CCNG2: variants seen among roughly 807,000 people sequenced by gnomAD.
The protein encoded by CCNG2 is cyclin-G2.
CCNG2 carries 20 observed loss-of-function variants against 36.5 expected under a neutral mutation model. The observed-to-expected ratio is 0.55, with a 90% CI of 0.39 to 0.80. The LOEUF (loss-of-function observed/expected upper bound fraction) is 0.80, where lower values mean the gene tolerates loss of function less well. Ranked by LOEUF, CCNG2 falls within the 30% of genes least tolerant of loss-of-function variation. The pLI, the probability that CCNG2 is intolerant of heterozygous loss-of-function variation, is 0.00. For missense variants in CCNG2, 358 were observed against 390.8 expected, an observed-to-expected ratio of 0.92 and a Z score of 0.71; for synonymous variants, 155 against 140.1, an observed-to-expected ratio of 1.11 and a Z score of -0.75.
Position 77,165,807 on chromosome 4 carries a change from C to A in CCNG2, c.918C>A (p.Asp306Glu). The change falls in exon 8 of 8, where the codon GAC becomes GAA. Residue 306 changes from aspartate (D) to glutamate (E), a missense_variant. By Grantham distance (45) the Asp-to-Glu change is conservative (BLOSUM62 2). Coordinates refer to ENST00000316355, the MANE Select transcript of CCNG2 (RefSeq NM_004354.3). ...TGTCTCTTTTTCTCTTTAGTGAGGACTCTTGTGAAGATATGAGTTGTGGAG... is the reference window on the plus strand; with the variant it reads ...TGTCTCTTTTTCTCTTTAGTGAGGAATCTTGTGAAGATATGAGTTGTGGAG... ...GGCFDESESE[D>E]SCEDMSCGEE... 6.3e-7 allele frequency: 1 copy of A among 1,582,730 alleles called. No individual in the cohort carries two copies. Among genetic ancestry groups the A allele is most frequent in the Non-Finnish European group, 8.6e-7 (1 of 1,168,196 alleles).
At chr4:77,159,187 A>G (rs1731357212) in intron 2 of CCNG2, among the ~76,000 whole-genome samples, 180 bp from the exon 3 acceptor site, 1 of 152,208 alleles carries the variant, frequency 6.6e-6, no homozygotes, top group Non-Finnish European at 1.5e-5. Flanking sequence ...CGTCTTACAG[A>G]TGATAAAGTG....
At chr4:77,163,224 G>T (rs1023544302) in intron 6 of CCNG2, among the ~76,000 whole-genome samples, 1 of 152,124 alleles carries the variant, frequency 6.6e-6, no homozygotes, top group African/African-American at 2.4e-5. Context: ...GGTTTTCAGC[G>T]TTGGCCTTTC....
In CCNG2 at chr4:77,166,608, G is replaced by C. The variant is rs1320774224; in HGVS notation, c.*684G>C. ...ATTGCCCAAGTATTGTCAAACTATG[G>C]TATTATTTTAATGTTACTTTAAAAA... On this transcript the variant is annotated 3_prime_UTR_variant, in exon 8 of 8. Transcript: ENST00000316355. The C allele has an allele frequency of 6.6e-6, 1 of 151,990 alleles. No individual in the cohort carries two copies. The highest frequency in any genetic ancestry group is 2.4e-5 in the African/African-American group (1 of 41,388). 9.4% of individuals were successfully genotyped at this position (151,990 alleles called of 1,614,324 possible).
intron 1 of CCNG2, chr4:77,158,224 G>A: frequency 2.7e-6 from 1 of 367,506 alleles, no homozygotes; most frequent in Non-Finnish European, 5.0e-6. Flanking sequence ...ACTTCAGGTG[G>A]GGCAGACCGA....
At chr4:77,158,812 T>C in intron 2 of CCNG2, 142 bp downstream of exon 2, 2 of 771,186 alleles carry the variant, frequency 2.6e-6, no homozygotes, top group South Asian at 1.8e-5. Flanking sequence ...TAAACCTTAT[T>C]ACAGGTTAAT....
At chr4:77,165,607 C>CA (rs952633244) in intron 7 of CCNG2, among the ~76,000 whole-genome samples, 194 bp from the exon 8 acceptor site, 10 of 151,772 alleles carry the variant, frequency 6.6e-5, no homozygotes, top group African/African-American at 2.4e-4. Context: ...GCACCCAGTC[C>CA]AAAAAATCTA....
chr4:77,157,498 T>C lies in CCNG2; in HGVS notation c.-9T>C. 6.6e-6 allele frequency: 1 copy of C among 152,618 alleles called. No individual in the cohort carries two copies. The highest frequency in any genetic ancestry group is 1.5e-5 in the Non-Finnish European group (1 of 68,344). The allele number at this position is 152,618 out of a possible 1,614,324, so 9.5% of individuals were successfully genotyped here. A position where few individuals can be genotyped will look rare whatever the true frequency, so the allele number is the denominator to read the frequency against. On this transcript the variant is annotated 5_prime_UTR_variant, in exon 1 of 8. Transcript: ENST00000316355. ...GGCCGCGGGCGGGTGGAGGCGCGTC[T>C]CCGGCACGGTGAGTGGACCCGCCCA...
Position 77,165,994 on chromosome 4 carries a change from C to T in CCNG2, c.*70C>T, listed in dbSNP as rs112699700. 1.2e-5 allele frequency: 17 copies of T among 1,442,734 alleles called. No homozygotes were observed. The highest frequency in any genetic ancestry group is 2.0e-4 in the Middle Eastern group (1 of 4,978). The allele number at this position is 1,442,734 out of a possible 1,614,324, so 89.4% of individuals were successfully genotyped here. ...CAATAAATGGGGGAATAGGTAGTTT[C>T]CTGGTTTAGCCCCCATCTAGTCAGG... On this transcript the variant is annotated 3_prime_UTR_variant, in exon 8 of 8. Transcript: ENST00000316355.
Position 77,161,491 on chromosome 4 carries a change from T to A in CCNG2, c.539T>A (p.Leu180Gln). 6.2e-7 allele frequency: 1 copy of A among 1,600,584 alleles called. No individual in the cohort carries two copies. Among genetic ancestry groups the A allele is most frequent in the Non-Finnish European group, 8.5e-7 (1 of 1,174,348 alleles). ...TTTGCATTGTATAGGAAAGAAATAC[T>A]GAGCCTTGATAAACTAGAAGCTCAG... Reference protein sequence around the residue: ...LCHTSERKEILSLDKLEAQLK... With the variant: ...LCHTSERKEIQSLDKLEAQLK... Residue 180 changes from leucine to glutamine, a missense_variant, in exon 5 of 8, where the codon CTG becomes CAG. Physicochemically the swap from Leu to Gln is moderately radical, Grantham distance 113 (BLOSUM62 -2). Coordinates refer to ENST00000316355, the MANE Select transcript of CCNG2 (RefSeq NM_004354.3).
At chr4:77,165,013 A>G (rs1731592462) in intron 7 of CCNG2, 1 of 152,420 alleles carries the variant, frequency 6.6e-6, no homozygotes, top group Non-Finnish European at 1.5e-5. Context: ...GTGCCTGGAA[A>G]ATAAAGGGAA....
intron 3 of CCNG2, among the ~76,000 whole-genome samples, chr4:77,159,894 G>T (rs757597725): frequency 1.3e-5 from 2 of 152,078 alleles, no homozygotes; most frequent in Non-Finnish European, 2.9e-5. Flanking sequence ...AATATGACCG[G>T]CTGCCTTCCC....
In CCNG2 at chr4:77,168,598, C is replaced by T. The variant is rs948854079; in HGVS notation, c.*2674C>T. 2 of 152,216 alleles carry T rather than the reference C, an allele frequency of 1.3e-5. No homozygotes were observed. Among genetic ancestry groups the T allele is most frequent in the Admixed American group, 6.5e-5 (1 of 15,288 alleles). The allele number at this position is 152,216 out of a possible 1,614,324, so 9.4% of individuals were successfully genotyped here. A position where few individuals can be genotyped will look rare whatever the true frequency, so the allele number is the denominator to read the frequency against. The stretch of plus-strand genomic sequence containing the variant: ...TTGAGAAAGAACTCTGTTAGCTATA[C>T]AGAAGATGAACTGGGCAATATAGAG... On this transcript the variant is annotated 3_prime_UTR_variant, in exon 8 of 8. Transcript: ENST00000316355.
intron 1 of CCNG2, 117 bp from the exon 2 acceptor site, chr4:77,158,416 C>G (rs1731332831): frequency 1.0e-6 from 1 of 984,650 alleles, no homozygotes; most frequent in Non-Finnish European, 1.6e-6. Flanking sequence ...TTCACCCGCT[C>G]CTTGTCGGGG....
intron 3 of CCNG2, among the ~76,000 whole-genome samples, chr4:77,160,043 C>T (rs901181550): frequency 3.9e-5 from 6 of 152,100 alleles, no homozygotes; most frequent in Admixed American, 2.0e-4. Context: ...AGAAAAGGGC[C>T]GCCATCTGTC....
rs145869961 is a variant in CCNG2, at chr4:77,164,429, T to C, written c.861T>C (p.Val287=). The change falls in exon 7 of 8, where the codon GTT becomes GTC. Residue 287 remains valine (V), a synonymous_variant. Transcript: ENST00000316355. The part of the protein sequence containing the change: ...AQNLHNSYYS[V]PELPTIPEGG... The stretch of plus-strand genomic sequence containing the variant: ...ACCTCCACAACAGCTACTATAGTGT[T>C]CCTGAGCTGCCAACGATACCTGAGG... The C allele has an allele frequency of 3.4e-5, 55 of 1,613,986 alleles. No homozygotes were observed. Among genetic ancestry groups the C allele is most frequent in the Non-Finnish European group, 4.6e-5 (54 of 1,180,014 alleles).
chr4:77,163,955 T>C (rs930334431), intron 6 of CCNG2, among the ~76,000 whole-genome samples: 43 of 152,206 alleles, frequency 2.8e-4, no homozygotes, highest in African/African-American at 1.0e-3. Context: ...TGTTTTTAGG[T>C]CAGTGTTTTC....
In CCNG2 at chr4:77,164,382, G is replaced by A. The variant is rs1199862724; in HGVS notation, c.814G>A (p.Val272Ile). 4.3e-6 allele frequency: 7 copies of A among 1,613,880 alleles called. No individual in the cohort carries two copies. Among genetic ancestry groups the A allele is most frequent in the Middle Eastern group, 1.6e-4 (1 of 6,084 alleles). The change falls in exon 7 of 8, where the codon GTT (valine) becomes ATT (isoleucine). Residue 272 changes from valine (V) to isoleucine (I), a missense_variant. Physicochemically the swap from Val to Ile is conservative, Grantham distance 29. Transcript: ENST00000316355. ...AGATCTTAAGAAGTTGGTTTGGATC[G>A]TTTCAAGGCGCACAGCCCAGAACCT... ...KPDLKKLVWIVSRRTAQNLHN... is the reference protein window; with the variant it reads ...KPDLKKLVWIISRRTAQNLHN...
Position 77,166,059 on chromosome 4 carries a change from A to G in CCNG2, c.*135A>G. The G allele has an allele frequency of 1.3e-6, 1 of 792,464 alleles. No individual in the cohort carries two copies. Among genetic ancestry groups the G allele is most frequent in the Admixed American group, 3.4e-5 (1 of 29,248 alleles). The allele number at this position is 792,464 out of a possible 1,614,324, so 49.1% of individuals were successfully genotyped here. On this transcript the variant is annotated 3_prime_UTR_variant, in exon 8 of 8. Coordinates refer to ENST00000316355, the MANE Select transcript of CCNG2 (RefSeq NM_004354.3). ...AATACCTACCTTCTATTTGTTATTC[A>G]GATCAGATCTGGCCTATTTTCATAT...
chr4:77,159,722 G>A (rs767672623), intron 3 of CCNG2, among the ~76,000 whole-genome samples: 9 of 152,140 alleles, frequency 5.9e-5, no homozygotes, highest in Non-Finnish European at 1.0e-4. Context: ...TACCTCTTAA[G>A]TACTTTCTCT....
Sources: gnomAD v4.1 joint callset for allele counts (sites outside exome capture counted in the v4.1 genomes callset) on GRCh38, gnomAD v4.1.1 for gene constraint, MANE v1.5 for transcripts, NCBI Gene and HGNC (gene_info 2026-07-23, HGNC 2026-07-21) for gene names.